Variants in TNRC18 observed in about 807,000 individuals in gnomAD.
TNRC18 encodes the protein trinucleotide repeat-containing gene 18 protein.
Under a neutral mutation model 226.7 loss-of-function variants are expected in TNRC18, and 69 were observed. That is an observed-to-expected ratio of 0.30 (90% CI 0.25 to 0.37). The LOEUF (loss-of-function observed/expected upper bound fraction) is 0.37. Among genes scored for constraint, TNRC18 ranks in the 10% least tolerant of loss-of-function variants. The probability of loss-of-function intolerance (pLI) is 1.00; values close to 1 mark genes in which losing one functional copy is unlikely to be tolerated. For missense variants in TNRC18, 4,754 were observed against 4,256.6 expected, an observed-to-expected ratio of 1.12 and a Z score of -3.25; for synonymous variants, 2,449 against 1,927.6, an observed-to-expected ratio of 1.27 and a Z score of -7.09.
intron 2 of TNRC18, chr7:5,407,151 C>G (rs1011508173): frequency 1.3e-5 from 2 of 152,358 alleles, no homozygotes; most frequent in African/African-American, 4.8e-5. Context: ...GGGGCTCACC[C>G]TGCACGTCCT....
chr7:5,332,940 C>T lies in TNRC18; in HGVS notation c.5829G>A (p.Leu1943=). The T allele has an allele frequency of 6.5e-7, 1 of 1,550,354 alleles. No homozygotes were observed. Among genetic ancestry groups the T allele is most frequent in the Non-Finnish European group, 8.7e-7 (1 of 1,155,338 alleles). ...KKGLGEPGPS[L]AAPTPGARGP... ...CGCGGGCGCCAGGCGTGGGTGCGGCCAGGGAGGGTCCCGGCTCCCCCAGCC... is the reference window on the plus strand; with the variant it reads ...CGCGGGCGCCAGGCGTGGGTGCGGCTAGGGAGGGTCCCGGCTCCCCCAGCC... The change falls in exon 19 of 30, where the codon CTG becomes CTA. Residue 1943 remains leucine (L), a synonymous_variant. Coordinates refer to ENST00000430969, the MANE Select transcript of TNRC18 (RefSeq NM_001080495.3).
chr7:5,361,470 C>T (rs1429147397), intron 14 of TNRC18, 124 bp downstream of exon 14: 10 of 1,210,892 alleles, frequency 8.3e-6, no homozygotes, highest in South Asian at 3.3e-5. Context: ...GCCACTGCTG[C>T]GGGTAGGTCA....
chr7:5,307,749 G>C lies in TNRC18; in HGVS notation c.*357C>G, dbSNP rs1369551386. ...TCCCCACCGAATCCCCAGTCTGCATGGACCTGGGGGCACCCGGGCCCCCAC... is the reference window on the plus strand; with the variant it reads ...TCCCCACCGAATCCCCAGTCTGCATCGACCTGGGGGCACCCGGGCCCCCAC... On this transcript the variant is annotated 3_prime_UTR_variant, in exon 30 of 30. Coordinates refer to ENST00000430969, the MANE Select transcript of TNRC18 (RefSeq NM_001080495.3). 12 of 366,838 alleles carry C rather than the reference G, an allele frequency of 3.3e-5. No homozygotes were observed. The East Asian group carries it at 8.0e-4, about 25-fold the overall frequency. The allele number at this position is 366,838 out of a possible 1,614,324, so 22.7% of individuals were successfully genotyped here. A position where few individuals can be genotyped will look rare whatever the true frequency, so the allele number is the denominator to read the frequency against.
At chr7:5,363,735 T>C (rs1316210382) in intron 11 of TNRC18, among the ~76,000 whole-genome samples, 2 of 152,152 alleles carry the variant, frequency 1.3e-5, no homozygotes, top group Non-Finnish European at 2.9e-5. Flanking sequence ...ACCGAAGGGT[T>C]CTTTCCAGCA....
At chr7:5,326,295 C>T (rs532766379) in intron 19 of TNRC18, among the ~76,000 whole-genome samples, 4 of 152,206 alleles carry the variant, frequency 2.6e-5, no homozygotes, top group South Asian at 4.2e-4. Context: ...TGCTTTGCAA[C>T]GTTTCCCCTC....
At chr7:5,409,516 G>C (rs1584107609) in intron 2 of TNRC18, among the ~76,000 whole-genome samples, 1 of 151,792 alleles carries the variant, frequency 6.6e-6, no homozygotes, top group African/African-American at 2.4e-5. Context: ...CCAGTCGTTT[G>C]AGCTCAAGGT....
intron 15 of TNRC18, 134 bp from the exon 16 acceptor site, chr7:5,357,410 A>T: frequency 1.0e-6 from 1 of 993,652 alleles, no homozygotes; most frequent in Non-Finnish European, 1.4e-6. Context: ...TAGCACGCAT[A>T]TATATTTATT....
intron 5 of TNRC18, among the ~76,000 whole-genome samples, chr7:5,383,599 G>C (rs1474779403): frequency 6.6e-6 from 1 of 152,140 alleles, no homozygotes; most frequent in Non-Finnish European, 1.5e-5. Context: ...CAAGAGACTG[G>C]GGCGAGAACC....
In TNRC18 at chr7:5,400,340, T is replaced by C. The variant is rs186736094; in HGVS notation, c.188-5745A>G. Among the ~76,000 whole-genome samples the C allele has an allele frequency of 3.1e-3, 467 of 152,238 alleles. 7 individuals carry two copies. Among genetic ancestry groups the C allele is most frequent in the African/African-American group, 0.01 (432 of 41,546 alleles). On this transcript the variant is annotated intron_variant, in intron 2 of 29. Coordinates refer to ENST00000430969, the MANE Select transcript of TNRC18 (RefSeq NM_001080495.3). The stretch of plus-strand genomic sequence containing the variant: ...AACAAAAATTCAGAGCTGGGAGTGG[T>C]GGCTCATGCCTGTAATCACAGCACT...
intron 2 of TNRC18, among the ~76,000 whole-genome samples, chr7:5,408,771 A>G (rs941602214): frequency 6.6e-6 from 1 of 152,230 alleles, no homozygotes; most frequent in African/African-American, 2.4e-5. Flanking sequence ...GAAACCAGCA[A>G]TTCTGGAGAC....
chr7:5,398,455 C>G (rs1780854564), intron 2 of TNRC18, among the ~76,000 whole-genome samples: 1 of 152,304 alleles, frequency 6.6e-6, no homozygotes, highest in African/African-American at 2.4e-5. Context: ...CAGGCGTGAG[C>G]CACCGTGCCT....
rs183585746 is a variant in TNRC18, at chr7:5,331,773, G to A, written c.6147+849C>T. 4.6e-5 allele frequency among the ~76,000 whole-genome samples: 7 copies of A among 152,224 alleles called. No homozygotes were observed. In the East Asian group the frequency reaches 1.2e-3, roughly 25 times the overall value. On this transcript the variant is annotated intron_variant, in intron 19 of 29. Transcript: ENST00000430969. ...TAAAATTTAAAAATTAGCTGGGCAC[G>A]GTGGTATGCACCTGTAGTCCCAGCT...
At chr7:5,340,574 TA>T (rs35345181) in intron 18 of TNRC18, among the ~76,000 whole-genome samples, 133,732 of 149,054 alleles carry the variant, frequency 0.9, 60,071 homozygotes, top group East Asian at 0.99. Flanking sequence ...CCATCTCTAC[TA>T]AAAAAAAAAA....
Position 5,388,096 on chromosome 7 carries a change from G to T in TNRC18, c.1728C>A (p.Ala576=). The T allele has an allele frequency of 6.4e-7, 1 of 1,553,362 alleles. No homozygotes were observed. Among genetic ancestry groups the T allele is most frequent in the South Asian group, 1.2e-5 (1 of 84,560 alleles). The change falls in exon 5 of 30, where the codon GCC becomes GCA. Residue 576 remains alanine (A), a synonymous_variant. Transcript: ENST00000430969. ...TGGCCGAGGCCTCTCCAGACCCGTG[G>T]GCCGCAGAGTGCATGTCAGCGACCG... ...GRPVADMHSA[A]HGSGEASAMQ...
At chr7:5,363,810 A>T (rs1413097958) in intron 11 of TNRC18, among the ~76,000 whole-genome samples, 1 of 151,702 alleles carries the variant, frequency 6.6e-6, no homozygotes, top group Non-Finnish European at 1.5e-5. Flanking sequence ...TAGCTCTTAT[A>T]ATCAGAAAAA....
At chr7:5,368,750 A>T (rs1184384532) in intron 11 of TNRC18, among the ~76,000 whole-genome samples, 1 of 152,064 alleles carries the variant, frequency 6.6e-6, no homozygotes, top group Admixed American at 6.6e-5. Flanking sequence ...TTAATTTGAG[A>T]AGTAAATATG....
At chr7:5,382,834 C>T (rs1779492471) in intron 5 of TNRC18, among the ~76,000 whole-genome samples, 1 of 152,152 alleles carries the variant, frequency 6.6e-6, no homozygotes, top group African/African-American at 2.4e-5. Flanking sequence ...CAGGTCCACG[C>T]CCTCACAGGA....
Position 5,309,631 on chromosome 7 carries a change from C to G in TNRC18, c.8389-263G>C, listed in dbSNP as rs1393842898. ...AGACTTCTTATTTTTGAGACAGGGTCTCCCTCTGTTGCCCAGGCTGGAGCG... is the reference window on the plus strand; with the variant it reads ...AGACTTCTTATTTTTGAGACAGGGTGTCCCTCTGTTGCCCAGGCTGGAGCG... On this transcript the variant is annotated intron_variant, in intron 27 of 29. Transcript: ENST00000430969. The surrounding 1 kb of genome is among the most constrained non-coding windows in gnomAD (Gnocchi z 5.7). Among the ~76,000 whole-genome samples, 1 of 152,266 alleles carries G rather than the reference C, an allele frequency of 6.6e-6. No individual in the cohort carries two copies. Among genetic ancestry groups the G allele is most frequent in the African/African-American group, 2.4e-5 (1 of 41,478 alleles).
chr7:5,332,737 G>A lies in TNRC18; in HGVS notation c.6032C>T (p.Ala2011Val), dbSNP rs1789671232. The part of the protein sequence containing the change: ...RIFLHDASAA[A>V]PAPVSTAPAT... Reference sequence around the variant, plus strand: ...GGGCGCGGTGCTGACGGGCGCAGGTGCAGCAGCCGAGGCGTCGTGCAGGAA... The same window carrying A: ...GGGCGCGGTGCTGACGGGCGCAGGTACAGCAGCCGAGGCGTCGTGCAGGAA... Residue 2011 changes from alanine (A) to valine (V), a missense_variant, in exon 19 of 30, where the codon GCA (alanine) becomes GTA (valine). By Grantham distance (64) the Ala-to-Val change is moderately conservative. Transcript: ENST00000430969. 1 of 1,523,052 alleles carries A rather than the reference G, an allele frequency of 6.6e-7. No individual in the cohort carries two copies. The highest frequency in any genetic ancestry group is 1.2e-5 in the South Asian group (1 of 82,882). 94.3% of individuals were successfully genotyped at this position (1,523,052 alleles called of 1,614,324 possible).
Sources: gnomAD v4.1 joint callset for allele counts (sites outside exome capture counted in the v4.1 genomes callset) on GRCh38, gnomAD v4.1.1 for gene constraint, Gnocchi (gnomAD v3.1) non-coding constraint, MANE v1.5 for transcripts, NCBI Gene and HGNC (gene_info 2026-07-23, HGNC 2026-07-21) for gene names.